The following SLC22A24 variants were observed in gnomAD, a reference collection of about 807,000 sequenced individuals.
SLC22A24 encodes the protein steroid transmembrane transporter SLC22A24.
A neutral mutation model predicts 49.8 loss-of-function variants in SLC22A24; 53 were observed. That is an observed-to-expected ratio of 1.06 (90% confidence interval 0.85 to 1.34). SLC22A24 has a LOEUF of 1.34. SLC22A24 is among the 40% of genes most tolerant of loss of function. The probability of loss-of-function intolerance (pLI) is 0.00; values close to 1 mark genes in which losing one functional copy is unlikely to be tolerated. For missense variants in SLC22A24, 786 were observed against 675.9 expected (o/e 1.16, Z -1.81); for synonymous variants, 302 against 256.4 (o/e 1.18, Z -1.70).
chr11:63,104,446 A>G lies in SLC22A24; in HGVS notation c.831-148T>C, dbSNP rs2087108617. On this transcript the variant is annotated intron_variant, in intron 4 of 9. Coordinates refer to ENST00000612278, the MANE Select transcript of SLC22A24 (RefSeq NM_001136506.2). The stretch of plus-strand genomic sequence containing the variant: ...TGACCAAATTGGCCTCCTCTGCTGG[A>G]CTCCTAGGGTGAAGGATGTATCTGG... 2 of 748,232 alleles carry G rather than the reference A, an allele frequency of 2.7e-6. 1 individual carries two copies. The allele number at this position is 748,232 out of a possible 1,614,324, so 46.3% of individuals were successfully genotyped here.
intron 5 of SLC22A24, among the ~76,000 whole-genome samples, chr11:63,099,806 C>G (rs1477257108): frequency 6.6e-6 from 1 of 151,938 alleles, no homozygotes; most frequent in Non-Finnish European, 1.5e-5. Context: ...ATCCTATGAA[C>G]AGAATAAAGG....
At chr11:63,111,996 A>T (rs1373069504) in intron 4 of SLC22A24, among the ~76,000 whole-genome samples, 1 of 151,280 alleles carries the variant, frequency 6.6e-6, no homozygotes, top group Non-Finnish European at 1.5e-5. Context: ...TAGTGCTATA[A>T]ATTTCCCTCT....
intron 2 of SLC22A24, among the ~76,000 whole-genome samples, chr11:63,124,774 T>C (rs1462263733): frequency 6.6e-6 from 1 of 152,088 alleles, no homozygotes; most frequent in Non-Finnish European, 1.5e-5. Context: ...TATGCAGCCA[T>C]AAAAAATGAT....
chr11:63,103,430 A>G (rs938115321), intron 5 of SLC22A24, among the ~76,000 whole-genome samples: 1 of 152,130 alleles, frequency 6.6e-6, no homozygotes, highest in Non-Finnish European at 1.5e-5. Context: ...TTTGTGTCCC[A>G]TAGTAAAATT....
Position 63,081,684 on chromosome 11 carries a change from A to G in SLC22A24, c.1286-18T>C, listed in dbSNP as rs1163938431. ...CTGCATTTCTAGAGAGAACAGTGAG[A>G]ATCAGGAAATCTTGCCTGAAGAAAC... On this transcript the variant is annotated intron_variant, in intron 7 of 9. Coordinates refer to ENST00000612278, the MANE Select transcript of SLC22A24 (RefSeq NM_001136506.2). 2.0e-6 allele frequency: 3 copies of G among 1,507,558 alleles called. No homozygotes were observed. Among genetic ancestry groups the G allele is most frequent in the Non-Finnish European group, 2.7e-6 (3 of 1,107,150 alleles). The allele number at this position is 1,507,558 out of a possible 1,614,324, so 93.4% of individuals were successfully genotyped here.
At chr11:63,114,651 A>G (rs1294621387) in intron 4 of SLC22A24, among the ~76,000 whole-genome samples, 1 of 151,966 alleles carries the variant, frequency 6.6e-6, no homozygotes, top group Non-Finnish European at 1.5e-5. Flanking sequence ...GGTTTTTAGA[A>G]TTTTCAGCTT....
intron 8 of SLC22A24, 80 bp from the exon 9 acceptor site, chr11:63,081,203 G>A: frequency 8.2e-7 from 1 of 1,219,800 alleles, no homozygotes. Flanking sequence ...TTTCTTTATG[G>A]GGACCAGTAC....
intron 5 of SLC22A24, among the ~76,000 whole-genome samples, chr11:63,097,586 A>T: frequency 6.6e-6 from 1 of 152,172 alleles, no homozygotes; most frequent in South Asian, 2.1e-4. Context: ...TACCCAAAGG[A>T]TTATAAATCA....
rs1430272376 is a variant in SLC22A24 at position 63,113,153 on chromosome 11, CAT to C, written c.830+5757_830+5758del. Among the ~76,000 whole-genome samples the C allele has an allele frequency of 9.3e-4, 6 of 6,432 alleles. 1 individual carries two copies. The highest frequency in any genetic ancestry group is 1.1e-3 in the African/African-American group (5 of 4,638). The allele number at this position is 6,432 out of a possible 152,430, so 4.2% of individuals were successfully genotyped here. On this transcript the variant is annotated intron_variant, in intron 4 of 9. Coordinates refer to ENST00000612278, the MANE Select transcript of SLC22A24 (RefSeq NM_001136506.2). ...ATATATATATACACATATATATATA[CAT>C]ATATATATACACATATATATACATA...
At chr11:63,121,902 T>C (rs2087255236) in intron 2 of SLC22A24, among the ~76,000 whole-genome samples, 1 of 152,146 alleles carries the variant, frequency 6.6e-6, no homozygotes. Flanking sequence ...TCACACACTT[T>C]TTTTAGCTTG....
chr11:63,141,698 C>G (rs2087416759), intron 1 of SLC22A24, among the ~76,000 whole-genome samples: 1 of 152,180 alleles, frequency 6.6e-6, no homozygotes, highest in Non-Finnish European at 1.5e-5. Context: ...CTGGGCTCGG[C>G]TTTTAAAAAG....
chr11:63,117,579 T>G (rs1479431346), intron 4 of SLC22A24, among the ~76,000 whole-genome samples: 1 of 152,160 alleles, frequency 6.6e-6, no homozygotes, highest in African/African-American at 2.4e-5. Flanking sequence ...ACTCCTCCTC[T>G]TCTTTCCTCT....
At chr11:63,129,406 G>A (rs539757935) in intron 2 of SLC22A24, among the ~76,000 whole-genome samples, 1 of 152,298 alleles carries the variant, frequency 6.6e-6, no homozygotes, top group South Asian at 2.1e-4. Flanking sequence ...AAGTCAGGTA[G>A]CGTGTTGCCT....
chr11:63,097,068 A>G (rs2087059116), intron 5 of SLC22A24, among the ~76,000 whole-genome samples: 1 of 152,132 alleles, frequency 6.6e-6, no homozygotes, highest in African/African-American at 2.4e-5. Context: ...TTTTACATAG[A>G]GCTCCAGTAA....
At chr11:63,105,994 A>G (rs2087118833) in intron 4 of SLC22A24, among the ~76,000 whole-genome samples, 1 of 151,964 alleles carries the variant, frequency 6.6e-6, no homozygotes, top group Non-Finnish European at 1.5e-5. Flanking sequence ...GGTTTGTTAC[A>G]TATGTATACA....
At chr11:63,121,305 T>C (rs1206928164) in intron 2 of SLC22A24, among the ~76,000 whole-genome samples, 3 of 152,144 alleles carry the variant, frequency 2.0e-5, no homozygotes, top group Non-Finnish European at 2.9e-5. Context: ...AATTAAAGCC[T>C]ATTAGTAAAA....
intron 1 of SLC22A24, among the ~76,000 whole-genome samples, chr11:63,138,258 G>T (rs1008286184): frequency 3.9e-5 from 6 of 151,990 alleles, no homozygotes; most frequent in African/African-American, 1.5e-4. Flanking sequence ...CTTTCTTTTT[G>T]TTTCCACCAT....
intron 4 of SLC22A24, among the ~76,000 whole-genome samples, chr11:63,108,940 C>T (rs1243231178): frequency 2.8e-5 from 4 of 144,864 alleles, no homozygotes; most frequent in South Asian, 4.6e-4. Flanking sequence ...TGGTGTGCTG[C>T]ACCCACTAAC....
chr11:63,088,903 G>C (rs1055114707), intron 6 of SLC22A24, among the ~76,000 whole-genome samples: 1 of 151,950 alleles, frequency 6.6e-6, no homozygotes, highest in African/African-American at 2.4e-5. Flanking sequence ...AATGAACAAA[G>C]CCTCCAAGAA....
Sources: gnomAD v4.1 joint callset for allele counts (sites outside exome capture counted in the v4.1 genomes callset) on GRCh38, gnomAD v4.1.1 for gene constraint, MANE v1.5 for transcripts, NCBI Gene and HGNC (gene_info 2026-07-23, HGNC 2026-07-21) for gene names.